Variants in SNX29 observed in about 807,000 individuals in gnomAD.
The protein encoded by SNX29 is sorting nexin-29.
In SNX29, 78 loss-of-function variants were observed where a neutral mutation model predicts 102.1. The observed-to-expected ratio is 0.76, with a 90% CI of 0.64 to 0.92. The LOEUF (loss-of-function observed/expected upper bound fraction) is 0.92, where lower values mean the gene tolerates loss of function less well. Among genes scored for constraint, SNX29 ranks in the 40% least tolerant of loss-of-function variants. The pLI, the probability that SNX29 is intolerant of heterozygous loss-of-function variation, is 0.00. For missense variants in SNX29, 1,280 were observed against 1,061.7 expected (o/e 1.21, Z -2.86); for synonymous variants, 580 against 414.5 (o/e 1.40, Z -4.85).
intron 18 of SNX29, among the ~76,000 whole-genome samples, chr16:12,443,771 G>T (rs1466616674): frequency 6.6e-6 from 1 of 152,246 alleles, no homozygotes; most frequent in Non-Finnish European, 1.5e-5. Flanking sequence ...TTTAAAGCCA[G>T]TCCAAACTCT....
intron 10 of SNX29, among the ~76,000 whole-genome samples, chr16:12,074,271 T>A (rs1300869441): frequency 6.6e-6 from 1 of 152,216 alleles, no homozygotes; most frequent in African/African-American, 2.4e-5. Flanking sequence ...GTCTCGATGG[T>A]CTTTACATTT....
At chr16:12,559,713 G>T (rs1456875578) in intron 20 of SNX29, among the ~76,000 whole-genome samples, 3 of 152,068 alleles carry the variant, frequency 2.0e-5, no homozygotes, top group African/African-American at 7.2e-5. Context: ...CTCCCATGGT[G>T]AGAACACCAA....
chr16:12,166,827 C>T (rs1478516890), intron 13 of SNX29, among the ~76,000 whole-genome samples: 5 of 152,136 alleles, frequency 3.3e-5, no homozygotes, highest in Admixed American at 2.0e-4. Context: ...ATCTCGTGTC[C>T]AACTTAATAT....
intron 20 of SNX29, among the ~76,000 whole-genome samples, chr16:12,532,685 G>A (rs373815716): frequency 3.9e-5 from 6 of 152,290 alleles, no homozygotes; most frequent in East Asian, 3.9e-4. Context: ...CAGAGGTTAC[G>A]AAGTCAGGGT....
At chr16:12,277,059 T>G (rs1383275400) in intron 14 of SNX29, among the ~76,000 whole-genome samples, 1 of 152,164 alleles carries the variant, frequency 6.6e-6, no homozygotes, top group Non-Finnish European at 1.5e-5. Context: ...CTGGATCACT[T>G]TTTTGTTGTA....
At chr16:12,214,869 A>G (rs909701937) in intron 14 of SNX29, among the ~76,000 whole-genome samples, 1 of 152,128 alleles carries the variant, frequency 6.6e-6, no homozygotes, top group Non-Finnish European at 1.5e-5. Flanking sequence ...TGCCTATTTT[A>G]TACTTTAAAA....
At chr16:12,461,978 A>AAAAAT (rs1555544501) in intron 18 of SNX29, among the ~76,000 whole-genome samples, 3 of 27,350 alleles carry the variant, frequency 1.1e-4, no homozygotes, top group South Asian at 2.4e-3. Flanking sequence ...AAAAAAAAAA[A>AAAAAT]ATATATATAT....
chr16:12,488,441 T>TA (rs1555551114), intron 19 of SNX29, among the ~76,000 whole-genome samples: 3 of 151,704 alleles, frequency 2.0e-5, no homozygotes, highest in African/African-American at 7.3e-5. Context: ...CTTCCCGCAG[T>TA]CCCCCCCGTC....
intron 14 of SNX29, among the ~76,000 whole-genome samples, chr16:12,232,538 C>G (rs982774422): frequency 6.6e-6 from 1 of 152,122 alleles, no homozygotes; most frequent in African/African-American, 2.4e-5. Flanking sequence ...CAAATAAATG[C>G]TTGAATCGTG....
chr16:12,469,726 T>TG (rs1485287272), intron 18 of SNX29, among the ~76,000 whole-genome samples: 1 of 152,192 alleles, frequency 6.6e-6, no homozygotes, highest in Non-Finnish European at 1.5e-5. Context: ...ACTGCAGGGC[T>TG]GGCTGGGCGC....
intron 15 of SNX29, among the ~76,000 whole-genome samples, chr16:12,290,695 C>T (rs112778355): frequency 0.023 from 3,495 of 152,304 alleles, 60 homozygotes; most frequent in Middle Eastern, 0.044. Context: ...AGGACAGATG[C>T]ATTTCCTAGT....
chr16:12,509,192 C>G (rs2089503747), intron 19 of SNX29, among the ~76,000 whole-genome samples: 1 of 152,206 alleles, frequency 6.6e-6, no homozygotes, highest in Non-Finnish European at 1.5e-5. Context: ...CTGAGAATCT[C>G]TAATCCAGAC....
chr16:12,389,675 A>G (rs759433038), intron 16 of SNX29, among the ~76,000 whole-genome samples: 2 of 152,126 alleles, frequency 1.3e-5, no homozygotes, highest in Admixed American at 6.6e-5. Context: ...TTTAAGAAGA[A>G]CTCCTCCTTA....
intron 19 of SNX29, among the ~76,000 whole-genome samples, chr16:12,505,009 C>T (rs1202922943): frequency 6.6e-6 from 1 of 152,194 alleles, no homozygotes; most frequent in African/African-American, 2.4e-5. Flanking sequence ...GGCACAGTGG[C>T]TCATACTCCT....
At chr16:12,064,114 A>G (rs1395395843) in intron 9 of SNX29, among the ~76,000 whole-genome samples, 1 of 151,980 alleles carries the variant, frequency 6.6e-6, no homozygotes, top group Non-Finnish European at 1.5e-5. Flanking sequence ...GGGTTCTTGA[A>G]TTATTGTGGA....
intron 19 of SNX29, among the ~76,000 whole-genome samples, chr16:12,511,634 G>A (rs376424342): frequency 2.0e-5 from 3 of 152,148 alleles, no homozygotes; most frequent in African/African-American, 7.2e-5. Flanking sequence ...TTGTAGATGC[G>A]CGATCAGGTT....
intron 18 of SNX29, among the ~76,000 whole-genome samples, chr16:12,458,314 GA>G (rs2086624775): frequency 6.6e-6 from 1 of 152,182 alleles, no homozygotes; most frequent in East Asian, 1.9e-4. Flanking sequence ...TTCGGCGGGG[GA>G]CAGGTCTCCA....
chr16:12,450,295 G>T (rs1332583227), intron 18 of SNX29, among the ~76,000 whole-genome samples: 1 of 152,224 alleles, frequency 6.6e-6, no homozygotes, highest in Admixed American at 6.5e-5. Context: ...GAGGGGCAGG[G>T]TGCAGGGAAG....
chr16:12,560,853 G>A (rs1251449728), intron 20 of SNX29: 1 of 183,876 alleles, frequency 5.4e-6, no homozygotes, highest in Non-Finnish European at 1.2e-5. Context: ...GATGTTATGA[G>A]AATTGGTGTT....
Sources: gnomAD v4.1 joint callset for allele counts (sites outside exome capture counted in the v4.1 genomes callset) on GRCh38, gnomAD v4.1.1 for gene constraint, MANE v1.5 for transcripts, NCBI Gene and HGNC (gene_info 2026-07-23, HGNC 2026-07-21) for gene names.